The following CSRNP3 variants were observed in gnomAD, a reference collection of about 807,000 sequenced individuals.
CSRNP3 encodes cysteine and serine rich nuclear protein 3.
CSRNP3 carries 12 observed loss-of-function variants against 48.0 expected under a neutral mutation model. The ratio of observed to expected loss-of-function variants is 0.25; its 90% CI spans 0.16 to 0.41. The LOEUF (loss-of-function observed/expected upper bound fraction) is 0.41, where lower values mean the gene tolerates loss of function less well. Ranked by LOEUF, CSRNP3 falls within the 10% of genes least tolerant of loss-of-function variation. The probability of loss-of-function intolerance (pLI) is 1.00; values close to 1 mark genes in which losing one functional copy is unlikely to be tolerated. For missense variants in CSRNP3, 580 were observed against 724.4 expected, an observed-to-expected ratio of 0.80 and a Z score of 2.29; for synonymous variants, 263 against 269.7, an observed-to-expected ratio of 0.98 and a Z score of 0.24.
chr2:165,682,643 T>C lies in CSRNP3; in HGVS notation c.*2890T>C, dbSNP rs948987672. ...CAGGTCAAAGTTGCAAACATACTTA[T>C]GATGGAATCATTTCATTTTTAGTTC... On this transcript the variant is annotated 3_prime_UTR_variant, in exon 7 of 7. Transcript: ENST00000651982. 1 of 152,200 alleles carries C rather than the reference T, an allele frequency of 6.6e-6. No individual in the cohort carries two copies. The highest frequency in any genetic ancestry group is 2.4e-5 in the African/African-American group (1 of 41,460). The allele number at this position is 152,200 out of a possible 1,614,324, so 9.4% of individuals were successfully genotyped here. A position where few individuals can be genotyped will look rare whatever the true frequency, so the allele number is the denominator to read the frequency against.
chr2:165,559,796 CTTTTTTT>C (rs11313094), intron 3 of CSRNP3, among the ~76,000 whole-genome samples: 2 of 98,424 alleles, frequency 2.0e-5, no homozygotes, highest in Admixed American at 1.3e-4. Flanking sequence ...TTCTTTCTTT[CTTTTTTT>C]TTTTTTTTTT....
At chr2:165,539,101 T>C (rs1250686275) in intron 3 of CSRNP3, among the ~76,000 whole-genome samples, 5 of 151,994 alleles carry the variant, frequency 3.3e-5, no homozygotes, top group African/African-American at 1.2e-4. Flanking sequence ...TTCTTTAAAA[T>C]TTATGCAACC....
At chr2:165,648,602 G>C (rs894147774) in intron 4 of CSRNP3, among the ~76,000 whole-genome samples, 1 of 151,866 alleles carries the variant, frequency 6.6e-6, no homozygotes, top group African/African-American at 2.4e-5. Context: ...TTAAAATATG[G>C]TATGTCTTGC....
intron 4 of CSRNP3, among the ~76,000 whole-genome samples, chr2:165,596,008 A>T (rs1475213778): frequency 2.0e-5 from 3 of 151,952 alleles, no homozygotes; most frequent in Non-Finnish European, 4.4e-5. Flanking sequence ...TTTAGTATAG[A>T]TGGCGTTTCA....
chr2:165,477,968 C>A (rs1289501926), intron 1 of CSRNP3, among the ~76,000 whole-genome samples: 3 of 145,796 alleles, frequency 2.1e-5, no homozygotes, highest in Non-Finnish European at 4.5e-5. Context: ...CAGAGTGAGA[C>A]CCTGTCAAAG....
At chr2:165,580,871 T>TG (rs1389917960) in intron 3 of CSRNP3, among the ~76,000 whole-genome samples, 2 of 151,912 alleles carry the variant, frequency 1.3e-5, no homozygotes, top group Non-Finnish European at 2.9e-5. Context: ...TTTGTTTTTT[T>TG]TTTCCTCAAT....
intron 2 of CSRNP3, among the ~76,000 whole-genome samples, chr2:165,501,745 G>C (rs1267060263): frequency 1.3e-5 from 2 of 152,058 alleles, no homozygotes; most frequent in African/African-American, 4.8e-5. Flanking sequence ...TATAACGTGA[G>C]TCAACTGAAA....
At chr2:165,507,239 T>A (rs1052113745) in intron 2 of CSRNP3, among the ~76,000 whole-genome samples, 1 of 152,140 alleles carries the variant, frequency 6.6e-6, no homozygotes, top group African/African-American at 2.4e-5. Flanking sequence ...TTATTTTCAC[T>A]ATATAGTATA....
intron 3 of CSRNP3, among the ~76,000 whole-genome samples, chr2:165,569,861 A>T (rs1356574942): frequency 2.0e-5 from 3 of 151,856 alleles, no homozygotes; most frequent in African/African-American, 7.2e-5. Flanking sequence ...AGTACTTCTT[A>T]AGTTTAATTC....
chr2:165,667,316 T>A (rs1687251647), intron 5 of CSRNP3, among the ~76,000 whole-genome samples: 1 of 152,190 alleles, frequency 6.6e-6, no homozygotes, highest in Admixed American at 6.5e-5. Context: ...GAATTTTAAT[T>A]GAAAAATGGA....
At chr2:165,646,857 T>A (rs1221109578) in intron 4 of CSRNP3, among the ~76,000 whole-genome samples, 2 of 152,234 alleles carry the variant, frequency 1.3e-5, no homozygotes, top group East Asian at 3.8e-4. Context: ...AAAAAAGATA[T>A]AATATGAAGA....
At chr2:165,580,345 T>C (rs998672256) in intron 3 of CSRNP3, among the ~76,000 whole-genome samples, 1 of 152,202 alleles carries the variant, frequency 6.6e-6, no homozygotes, top group Non-Finnish European at 1.5e-5. Context: ...TTACACTATA[T>C]ATTATTTTTT....
At position 165,680,607 on chromosome 2, in the gene CSRNP3, A is replaced by AC. The variant is rs1471784071; in HGVS notation, c.*859dup. 2.0e-5 allele frequency: 3 copies of AC among 152,158 alleles called. No individual in the cohort carries two copies. Among genetic ancestry groups the AC allele is most frequent in the African/African-American group, 7.3e-5 (3 of 41,266 alleles). 9.4% of individuals were successfully genotyped at this position (152,158 alleles called of 1,614,324 possible). A position where few individuals can be genotyped will look rare whatever the true frequency, so the allele number is the denominator to read the frequency against. ...AGCTTGGACAGCACCTTTAAGCTCT[A>AC]CCCCCTACATCAAAATGCACTTTAG... is the stretch of plus-strand genomic sequence containing the variant. On this transcript the variant is annotated 3_prime_UTR_variant, in exon 7 of 7. Transcript: ENST00000651982.
chr2:165,593,206 A>G (rs1048240808), intron 3 of CSRNP3, among the ~76,000 whole-genome samples: 6 of 152,208 alleles, frequency 3.9e-5, no homozygotes, highest in Admixed American at 1.3e-4. Context: ...ACACCAGGAA[A>G]GGTCAAAGAA....
intron 2 of CSRNP3, among the ~76,000 whole-genome samples, chr2:165,508,913 A>T (rs1371508067): frequency 6.6e-6 from 1 of 152,164 alleles, no homozygotes; most frequent in Non-Finnish European, 1.5e-5. Flanking sequence ...GCTATAATAT[A>T]TATTCTTTAA....
chr2:165,600,491 T>C (rs1685896322), intron 4 of CSRNP3, among the ~76,000 whole-genome samples: 1 of 152,176 alleles, frequency 6.6e-6, no homozygotes, highest in Non-Finnish European at 1.5e-5. Flanking sequence ...TAGTTCTAGA[T>C]CCCTGAGGAA....
chr2:165,471,681 A>G (rs1683896130), intron 1 of CSRNP3, among the ~76,000 whole-genome samples: 1 of 152,080 alleles, frequency 6.6e-6, no homozygotes, highest in African/African-American at 2.4e-5. Context: ...AATTTCCTTA[A>G]TGGTTCACAT....
rs1413959080 is a variant in CSRNP3, at chr2:165,665,926, AAAG to A, written c.408+7909_408+7911del. Among the ~76,000 whole-genome samples, 11 of 149,284 alleles carry A rather than the reference AAAG, an allele frequency of 7.4e-5. No homozygotes were observed. The East Asian group carries it at 1.4e-3, about 19-fold the overall frequency. ...GAAGGAAGCAAAGAGAGAGAGGAAG[AAAG>A]AAAGAGAGAGGAAGGAAGGAAGGAC... On this transcript the variant is annotated intron_variant, in intron 5 of 6. Transcript: ENST00000651982.
intron 4 of CSRNP3, among the ~76,000 whole-genome samples, chr2:165,615,106 T>G (rs982294603): frequency 3.3e-5 from 5 of 152,218 alleles, no homozygotes; most frequent in Non-Finnish European, 7.3e-5. Context: ...AGTTCTATGT[T>G]TCTTTGTTGA....
Sources: allele counts gnomAD v4.1 joint callset (sites outside exome capture counted in the v4.1 genomes callset), GRCh38; gene constraint gnomAD v4.1.1; transcripts MANE v1.5; gene names NCBI Gene and HGNC (gene_info 2026-07-23, HGNC 2026-07-21).